MVK: variants seen among roughly 807,000 people sequenced by gnomAD.
The protein encoded by MVK is mevalonate kinase, also known as LH receptor mRNA-binding protein.
MVK carries 34 observed loss-of-function variants against 43.2 expected under a neutral mutation model. That is an observed-to-expected ratio of 0.79 (90% CI 0.60 to 1.05). MVK has a LOEUF of 1.05. MVK is among the 50% of genes least tolerant of loss of function. MVK has a pLI of 0.00. For missense variants in MVK, 395 were observed against 504.0 expected (o/e 0.78, Z 2.07); for synonymous variants, 190 against 219.8 (o/e 0.86, Z 1.20).
At chr12:109,590,669 T>C (rs895465493) in intron 7 of MVK, 102 bp from the exon 8 acceptor site, 3 of 1,027,886 alleles carry the variant, frequency 2.9e-6, no homozygotes, top group Admixed American at 3.5e-5. Context: ...GCCTCCCTTC[T>C]TCCTCCGTAT....
chr12:109,591,198 C>T (rs1351143616), intron 8 of MVK, 43 bp from the exon 9 acceptor site: 2 of 1,585,964 alleles, frequency 1.3e-6, no homozygotes, highest in African/African-American at 2.7e-5. Context: ...CTGCATCTGC[C>T]TGCCCCCAGG....
intron 5 of MVK, among the ~76,000 whole-genome samples, chr12:109,582,740 A>G (rs1475849512): frequency 6.6e-6 from 1 of 151,326 alleles, no homozygotes; most frequent in African/African-American, 2.4e-5. Context: ...GAAGACTCAC[A>G]TTTGTTGAGA....
chr12:109,591,936 G>A (rs940214554), intron 9 of MVK, among the ~76,000 whole-genome samples: 2 of 152,108 alleles, frequency 1.3e-5, no homozygotes, highest in African/African-American at 4.8e-5. Flanking sequence ...GTGTGGCCTC[G>A]CTAGAGTGTC....
At chr12:109,583,803 GA>G (rs1358054298) in intron 5 of MVK, among the ~76,000 whole-genome samples, 2 of 152,208 alleles carry the variant, frequency 1.3e-5, no homozygotes, top group African/African-American at 4.8e-5. Context: ...CAGTGTCATG[GA>G]TTTGTTTGTA....
rs76263072 is a variant in MVK, at chr12:109,577,331, G to T, written c.226+1186G>T. Among the ~76,000 whole-genome samples the T allele has an allele frequency of 6.0e-3, 919 of 152,324 alleles. 18 individuals are homozygous for T. Among genetic ancestry groups the T allele is most frequent in the African/African-American group, 0.021 (881 of 41,564 alleles). ...ATGAAGCCTTGCTCTTTGGAACAGT[G>T]TTTCTCAGCCAGGATGGGGTAAATG... On this transcript the variant is annotated intron_variant, in intron 3 of 10. Coordinates refer to ENST00000228510, the MANE Select transcript of MVK (RefSeq NM_000431.4).
rs79282278 is a variant in MVK at position 109,582,254 on chromosome 12, A to G, written c.527+704A>G. On this transcript the variant is annotated intron_variant, in intron 5 of 10. Transcript: ENST00000228510. ...TTGTGGATGAGGCCCCCAAATGCAG[A>G]GCTCTGTCCTCTTCCTGGGCTTGTT... 2.0e-3 allele frequency among the ~76,000 whole-genome samples: 298 copies of G among 152,090 alleles called. 5 individuals are homozygous for G. The East Asian group carries it at 0.053, about 27-fold the overall frequency.
At chr12:109,581,245 AATAGGGATAC>A in intron 4 of MVK, 140 bp from the exon 5 acceptor site, 1 of 948,654 alleles carries the variant, frequency 1.1e-6, no homozygotes, top group Non-Finnish European at 1.7e-6. Context: ...CCTGATGTTC[AATAGGGATAC>A]ATTTGGGGTC....
At chr12:109,591,437 T>C in intron 9 of MVK, 80 bp downstream of exon 9, 1 of 1,375,562 alleles carries the variant, frequency 7.3e-7, no homozygotes, top group Non-Finnish European at 1.0e-6. Context: ...CTGGCTGTGC[T>C]CAGAATCCCC....
intron 5 of MVK, among the ~76,000 whole-genome samples, chr12:109,583,446 G>A (rs1885309542): frequency 1.3e-5 from 2 of 152,116 alleles, no homozygotes; most frequent in Admixed American, 6.5e-5. Context: ...TTTTATGGCT[G>A]CATAGTGTTC....
chr12:109,579,227 C>T (rs904645100), intron 3 of MVK: 14 of 446,384 alleles, frequency 3.1e-5, no homozygotes, highest in Non-Finnish European at 6.3e-5. Flanking sequence ...GTTTCTTCAA[C>T]CTCCTGGGCT....
intron 7 of MVK, 200 bp downstream of exon 7, chr12:109,586,999 T>C: frequency 1.6e-6 from 1 of 616,180 alleles, no homozygotes; most frequent in Middle Eastern, 4.4e-4. Flanking sequence ...CCTTCAGCTC[T>C]TAAATTGCAG....
chr12:109,573,519 C>G, upstream of MVK: 10 of 1,571,946 alleles, frequency 6.4e-6, no homozygotes, highest in African/African-American at 1.3e-5. Flanking sequence ...CCGCCAGGTT[C>G]CCGTCCAGTC....
intron 5 of MVK, among the ~76,000 whole-genome samples, chr12:109,583,568 T>C (rs1184424400): frequency 6.6e-6 from 1 of 152,208 alleles, no homozygotes; most frequent in Non-Finnish European, 1.5e-5. Flanking sequence ...CACGTGTGCA[T>C]GTGTCTTTAT....
At chr12:109,573,449 C>T, upstream of MVK, 1 of 1,608,096 alleles carries the variant, frequency 6.2e-7, no homozygotes, top group Middle Eastern at 1.7e-4. Flanking sequence ...GCTCCCCAGG[C>T]CAAGACGGCT....
intron 5 of MVK, 78 bp from the exon 6 acceptor site, chr12:109,585,944 G>A: frequency 8.3e-7 from 1 of 1,199,360 alleles, no homozygotes; most frequent in Non-Finnish European, 1.2e-6. Context: ...CCCTTGGCCT[G>A]CCCAGCACAG....
At chr12:109,589,543 A>G (rs1885582761) in intron 7 of MVK, 1 of 152,090 alleles carries the variant, frequency 6.6e-6, no homozygotes, top group African/African-American at 2.4e-5. Flanking sequence ...CTTGTCTTAG[A>G]AGGGAAGAGA....
chr12:109,573,634 C>T (rs1392695435), upstream of MVK: 24 of 913,776 alleles, frequency 2.6e-5, no homozygotes, highest in Non-Finnish European at 4.1e-5. Flanking sequence ...GGACTTGTTT[C>T]CCATTGGTTT....
At chr12:109,575,929 T>C (rs1884929187) in intron 2 of MVK, 69 bp from the exon 3 acceptor site, 10 of 1,587,044 alleles carry the variant, frequency 6.3e-6, no homozygotes, top group Non-Finnish European at 8.6e-6. Context: ...TGCTCTCTTC[T>C]TAGCACGTGG....
chr12:109,579,936 C>T lies in MVK; in HGVS notation c.361C>T (p.Arg121Trp), dbSNP rs368026034. 2.0e-5 allele frequency: 33 copies of T among 1,614,064 alleles called. No homozygotes were observed. In the African/African-American group the frequency reaches 3.1e-4, roughly 15 times the overall value. The change falls in exon 4 of 11, where the codon CGG becomes TGG. Residue 121 changes from arginine (R) to tryptophan (W), a missense_variant. Physicochemically the swap from Arg to Trp is moderately radical, Grantham distance 101. Coordinates refer to ENST00000228510, the MANE Select transcript of MVK (RefSeq NM_000431.4). ...AFLYLYLSIC[R>W]KQRALPSLDI... ...TCTTTACTTATACCTGTCCATCTGC[C>T]GGAAGCAGAGGTGTGTGCGTGGTCT...
Sources: allele counts gnomAD v4.1 joint callset (sites outside exome capture counted in the v4.1 genomes callset), GRCh38; gene constraint gnomAD v4.1.1; transcripts MANE v1.5; gene names NCBI Gene and HGNC (gene_info 2026-07-23, HGNC 2026-07-21).